XYLT1: variants seen among roughly 807,000 people sequenced by gnomAD.
XYLT1 encodes beta-D-xylosyltransferase 1.
XYLT1 carries 36 observed loss-of-function variants against 91.3 expected under a neutral mutation model. The ratio of observed to expected loss-of-function variants is 0.39; its 90% confidence interval spans 0.30 to 0.52. The LOEUF is 0.52. Ranked by LOEUF, XYLT1 falls within the 20% of genes least tolerant of loss-of-function variation. The probability of loss-of-function intolerance (pLI) is 0.68; values close to 1 mark genes in which losing one functional copy is unlikely to be tolerated. For missense variants in XYLT1, 1,242 were observed against 1,284.5 expected (o/e 0.97, Z 0.51); for synonymous variants, 588 against 532.0 (o/e 1.11, Z -1.45).
Position 17,470,735 on chromosome 16 carries a change from G to A in XYLT1, c.62C>T (p.Ala21Val), listed in dbSNP as rs1454291334. Residue 21 changes from alanine (A) to valine (V), a missense_variant, in exon 1 of 12, where the codon GCG becomes GTG. Around this residue, in one of 3 missense-constraint regions of XYLT1, gnomAD observed 437 missense variants for 411.5 expected, o/e 1.06. Transcript: ENST00000261381. ...ARRSHSALLAALTVLLLQTLV... is the reference protein window; with the variant it reads ...ARRSHSALLAVLTVLLLQTLV... ...CGTCTGCAGCAGCAGCACCGTGAGC[G>A]CCGCGAGCAGCGCCGAGTGCGAGCG... The A allele has an allele frequency of 8.8e-7, 1 of 1,140,838 alleles. No homozygotes were observed. The highest frequency in any genetic ancestry group is 1.9e-5 in the South Asian group (1 of 52,966). The allele number at this position is 1,140,838 out of a possible 1,614,324, so 70.7% of individuals were successfully genotyped here.
At chr16:17,207,906 G>C (rs2032684966) in intron 3 of XYLT1, among the ~76,000 whole-genome samples, 1 of 152,156 alleles carries the variant, frequency 6.6e-6, no homozygotes, top group African/African-American at 2.4e-5. Context: ...TCAGGTCTCA[G>C]GAGAAATGAC....
intron 2 of XYLT1, among the ~76,000 whole-genome samples, chr16:17,298,268 G>A (rs932352210): frequency 6.6e-6 from 1 of 152,144 alleles, no homozygotes; most frequent in African/African-American, 2.4e-5. Flanking sequence ...TGGGCTGGAG[G>A]TATAGTGTGT....
At chr16:17,284,565 T>C (rs911143950) in intron 2 of XYLT1, among the ~76,000 whole-genome samples, 2 of 152,308 alleles carry the variant, frequency 1.3e-5, no homozygotes, top group South Asian at 2.1e-4. Context: ...AATGGTAAGA[T>C]GGAGCTTCTC....
intron 1 of XYLT1, among the ~76,000 whole-genome samples, chr16:17,378,282 GTATT>G (rs145461205): frequency 0.037 from 5,681 of 151,902 alleles, 316 homozygotes; most frequent in African/African-American, 0.13. Context: ...TACCAAATAG[GTATT>G]TATTTGTTCC....
intron 2 of XYLT1, among the ~76,000 whole-genome samples, chr16:17,357,172 C>CAAA (rs1168668915): frequency 0.077 from 3,218 of 41,576 alleles, 1,017 homozygotes; most frequent in Non-Finnish European, 0.1. Flanking sequence ...GACTCGGTCT[C>CAAA]AAAAAAAAAA....
At chr16:17,305,221 C>T (rs114326471) in intron 2 of XYLT1, among the ~76,000 whole-genome samples, 1,694 of 152,194 alleles carry the variant, frequency 0.011, 34 homozygotes, top group African/African-American at 0.038. Flanking sequence ...GAGTCATTCT[C>T]CAACTTAGAT....
chr16:17,257,846 C>T (rs997900856), intron 3 of XYLT1, among the ~76,000 whole-genome samples: 5 of 152,216 alleles, frequency 3.3e-5, no homozygotes, highest in South Asian at 4.1e-4. Context: ...GAGCCTGGTG[C>T]GGTGTCTAGC....
chr16:17,248,745 ATTTTTTT>A (rs1045404682), intron 3 of XYLT1, among the ~76,000 whole-genome samples: 1 of 127,030 alleles, frequency 7.9e-6, no homozygotes, highest in African/African-American at 3.0e-5. Context: ...TTACATGTGA[ATTTTTTT>A]TTTTTTTTTT....
chr16:17,190,666 T>C (rs1167002218), intron 5 of XYLT1, among the ~76,000 whole-genome samples: 2 of 152,176 alleles, frequency 1.3e-5, no homozygotes, highest in African/African-American at 2.4e-5. Context: ...GGTGTATATG[T>C]GCCACATTTT....
chr16:17,259,442 C>A lies in XYLT1; in HGVS notation c.459G>T (p.Glu153Asp). The A allele has an allele frequency of 6.2e-7, 1 of 1,613,668 alleles. No homozygotes were observed. The change falls in exon 3 of 12, where the codon GAG (glutamate) becomes GAT (aspartate). Residue 153 changes from glutamate to aspartate, a missense_variant. Coordinates refer to ENST00000261381, the MANE Select transcript of XYLT1 (RefSeq NM_022166.4). ...KEKVRTDSNN[E>D]NSVPKDFENV... ...TCTCAAAGTCTTTGGGGACAGAGTT[C>A]TCGTTGTTGCTGTCTGTTCGCACTT...
At chr16:17,243,225 C>T (rs1396903834) in intron 3 of XYLT1, among the ~76,000 whole-genome samples, 1 of 152,216 alleles carries the variant, frequency 6.6e-6, no homozygotes, top group Admixed American at 6.5e-5. Flanking sequence ...AACAGCCCTA[C>T]AAGGTGAGAA....
chr16:17,382,619 A>G (rs1023680439), intron 1 of XYLT1, among the ~76,000 whole-genome samples: 1 of 151,828 alleles, frequency 6.6e-6, no homozygotes, highest in Non-Finnish European at 1.5e-5. Context: ...AGCACAGCAC[A>G]TGGGAGATGA....
At chr16:17,370,362 T>G (rs903426699) in intron 1 of XYLT1, among the ~76,000 whole-genome samples, 1 of 152,226 alleles carries the variant, frequency 6.6e-6, no homozygotes, top group Non-Finnish European at 1.5e-5. Context: ...CCTTCTGCAG[T>G]GGGGCGGGGT....
At chr16:17,470,184 A>G (rs1439261692) in intron 1 of XYLT1, among the ~76,000 whole-genome samples, 2 of 152,258 alleles carry the variant, frequency 1.3e-5, no homozygotes, top group Middle Eastern at 3.4e-3. Flanking sequence ...GGTAACCCCC[A>G]AAGCGCCCCC....
chr16:17,238,028 T>A (rs2033275684), intron 3 of XYLT1, among the ~76,000 whole-genome samples: 1 of 152,202 alleles, frequency 6.6e-6, no homozygotes. Flanking sequence ...GTGAGGGCAG[T>A]GGTACCTGGC....
rs145508282 is a variant in XYLT1, at chr16:17,318,262, G to C, written c.402+39750C>G. ...TGGGTTTACTTGATCTCACTCCAAA[G>C]CCGGGGCTCTTAACCACTGAGCTAC... On this transcript the variant is annotated intron_variant, in intron 2 of 11. Coordinates refer to ENST00000261381, the MANE Select transcript of XYLT1 (RefSeq NM_022166.4). Among the ~76,000 whole-genome samples, 631 of 152,308 alleles carry C rather than the reference G, an allele frequency of 4.1e-3. 4 individuals carry two copies. The highest frequency in any genetic ancestry group is 7.3e-3 in the Admixed American group (111 of 15,300).
intron 5 of XYLT1, among the ~76,000 whole-genome samples, chr16:17,188,232 C>A (rs2032230657): frequency 6.6e-6 from 1 of 152,030 alleles, no homozygotes; most frequent in Non-Finnish European, 1.5e-5. Flanking sequence ...CCCATTTGGG[C>A]CCCACTCCCA....
intron 1 of XYLT1, among the ~76,000 whole-genome samples, chr16:17,404,147 G>A (rs923102524): frequency 3.3e-5 from 5 of 152,128 alleles, no homozygotes; most frequent in Admixed American, 2.0e-4. Context: ...AGTGACCCAG[G>A]AGGGACTCAG....
intron 1 of XYLT1, among the ~76,000 whole-genome samples, chr16:17,429,857 T>A (rs555222744): frequency 9.5e-4 from 144 of 152,166 alleles, no homozygotes; most frequent in African/African-American, 3.4e-3. Flanking sequence ...CCAGCTTTCC[T>A]GGGTCTCCAG....
Sources: allele counts gnomAD v4.1 joint callset (sites outside exome capture counted in the v4.1 genomes callset), GRCh38; gene constraint gnomAD v4.1.1; regional missense constraint gnomAD v4.1.1; transcripts MANE v1.5; gene names NCBI Gene and HGNC (gene_info 2026-07-23, HGNC 2026-07-21).